The following DMD variants were observed in gnomAD, a reference collection of about 807,000 sequenced individuals.
The protein encoded by DMD is mutant dystrophin.
In DMD, 63 loss-of-function variants were observed where a neutral mutation model predicts 330.1. The observed-to-expected ratio is 0.19, with a 90% CI of 0.16 to 0.24. The LOEUF is 0.24. Ranked by LOEUF, DMD falls within the 10% of genes least tolerant of loss-of-function variation. DMD has a pLI of 1.00. For missense variants in DMD, 3,344 were observed against 2,684.1 expected (o/e 1.25, Z -5.43); for synonymous variants, 1,223 against 959.8 (o/e 1.27, Z -5.07).
At chrX:32,595,659 A>G (rs2055433825) in intron 13 of DMD, 98 bp downstream of exon 13, 1 of 832,439 alleles carries the variant, frequency 1.2e-6, no homozygotes, top group Admixed American at 2.6e-5. Context: ...TATTCTAAGT[A>G]TTTTAATATA....
At chrX:32,710,722 G>C (rs781326773) in intron 7 of DMD, among the ~76,000 whole-genome samples, 1 of 110,745 alleles carries the variant, frequency 9.0e-6, no homozygotes, top group Non-Finnish European at 1.9e-5. Context: ...GATAGGAAAA[G>C]CAGACTCCTT....
chrX:32,006,433 A>G lies in DMD; in HGVS notation c.6439-37919T>C, dbSNP rs762004762. Among the ~76,000 whole-genome samples, 36 of 112,095 alleles carry G rather than the reference A, an allele frequency of 3.2e-4. 1 individual carries two copies. The highest frequency in any genetic ancestry group is 4.3e-4 in the Non-Finnish European group (23 of 53,123). On this transcript the variant is annotated intron_variant, in intron 44 of 78. Transcript: ENST00000357033. ...AATAGTTATTCCAAGTCTAAAAATA[A>G]TAATAAATCCAAAACCAAAATATCG...
At chrX:31,368,643 T>C (rs1751314313) in intron 60 of DMD, among the ~76,000 whole-genome samples, 1 of 107,937 alleles carries the variant, frequency 9.3e-6, no homozygotes, top group South Asian at 4.0e-4. Flanking sequence ...TGCACCCAGG[T>C]CCCCCCGCCC....
intron 7 of DMD, among the ~76,000 whole-genome samples, chrX:32,710,990 A>G (rs2065138596): frequency 8.9e-6 from 1 of 111,872 alleles, no homozygotes; most frequent in African/African-American, 3.2e-5. Flanking sequence ...ATATATAACT[A>G]TAATATGCAT....
intron 60 of DMD, among the ~76,000 whole-genome samples, chrX:31,433,788 T>A (rs1183689748): frequency 1.8e-5 from 2 of 112,017 alleles, no homozygotes; most frequent in Non-Finnish European, 3.8e-5. Context: ...GGCAAAACTA[T>A]TTAAGTGTTG....
chrX:31,805,219 T>C (rs1172298569), intron 50 of DMD, among the ~76,000 whole-genome samples: 1 of 111,988 alleles, frequency 8.9e-6, no homozygotes, highest in Non-Finnish European at 1.9e-5. Flanking sequence ...CCTGTAACTA[T>C]ATAATTTAAC....
intron 2 of DMD, among the ~76,000 whole-genome samples, chrX:32,915,142 A>G: frequency 1.0e-5 from 1 of 97,791 alleles, no homozygotes; most frequent in Non-Finnish European, 2.3e-5. Context: ...TACTATCCCA[A>G]AGTTGGGGGG....
At chrX:31,276,948 AG>A (rs2052176911) in intron 62 of DMD, among the ~76,000 whole-genome samples, 1 of 112,066 alleles carries the variant, frequency 8.9e-6, no homozygotes, top group South Asian at 3.8e-4. Context: ...GGCCTTCTAA[AG>A]GTTGGTAATG....
chrX:31,861,394 C>T (rs1031256042), intron 48 of DMD, among the ~76,000 whole-genome samples: 2 of 110,094 alleles, frequency 1.8e-5, no homozygotes, highest in African/African-American at 6.6e-5. Flanking sequence ...AAGACAAATG[C>T]CAGTTTGACG....
At chrX:31,985,332 A>G (rs2095502174) in intron 44 of DMD, among the ~76,000 whole-genome samples, 1 of 112,406 alleles carries the variant, frequency 8.9e-6, no homozygotes, top group Non-Finnish European at 1.9e-5. Flanking sequence ...TTTTAACAAT[A>G]TTAAGAAACA....
chrX:33,252,498 T>C (rs1435876614), intron 1 of DMD, among the ~76,000 whole-genome samples: 2 of 110,833 alleles, frequency 1.8e-5, no homozygotes. Context: ...ATCTCATTAA[T>C]GGACATGACA....
Position 32,381,183 on chromosome X carries a change from G to A in DMD, c.4675-503C>T, listed in dbSNP as rs760127541. Among the ~76,000 whole-genome samples, 6 of 111,381 alleles carry A rather than the reference G, an allele frequency of 5.4e-5. No individual in the cohort carries two copies. The South Asian group carries it at 1.5e-3, about 28-fold the overall frequency. On this transcript the variant is annotated intron_variant, in intron 33 of 78. Coordinates refer to ENST00000357033, the MANE Select transcript of DMD (RefSeq NM_004006.3). ...ACCTAGAATTCTCAACTGTATCCTC[G>A]TTACATCTTTAAAGTGTCTCACATC...
chrX:31,295,286 C>T (rs1232875811), intron 62 of DMD, among the ~76,000 whole-genome samples: 1 of 111,126 alleles, frequency 9.0e-6, no homozygotes, highest in Non-Finnish European at 1.9e-5. Flanking sequence ...TGAGCCACCG[C>T]GCCCGGCCGT....
At chrX:31,308,731 A>AT (rs577265293) in intron 62 of DMD, among the ~76,000 whole-genome samples, 1,114 of 106,442 alleles carry the variant, frequency 0.01, 11 homozygotes, top group Middle Eastern at 0.043. Flanking sequence ...TTTGTGTGTG[A>AT]TTTTTTTTTT....
chrX:31,859,249 A>C (rs1219983497), intron 48 of DMD, among the ~76,000 whole-genome samples: 1 of 111,616 alleles, frequency 9.0e-6, no homozygotes, highest in Non-Finnish European at 1.9e-5. Flanking sequence ...GGAGGAGAGC[A>C]AGGAAATCTA....
At chrX:31,368,653 CT>C (rs776345514) in intron 60 of DMD, among the ~76,000 whole-genome samples, 12 of 106,060 alleles carry the variant, frequency 1.1e-4, no homozygotes, top group Admixed American at 3.0e-4. Context: ...TCCCCCCGCC[CT>C]TTTTTTTTTG....
chrX:33,045,627 G>A (rs1014518887), intron 1 of DMD, among the ~76,000 whole-genome samples: 2 of 109,649 alleles, frequency 1.8e-5, no homozygotes, highest in Non-Finnish European at 3.8e-5. Context: ...ATAAGTGAGA[G>A]CTAGAAGCCG....
At chrX:31,217,381 A>T (rs965268453) in intron 64 of DMD, among the ~76,000 whole-genome samples, 1 of 111,858 alleles carries the variant, frequency 8.9e-6, no homozygotes. Flanking sequence ...TATAGTGGAT[A>T]CAATTGGGTT....
In DMD at chrX:33,171,760, C is replaced by G. The variant is rs191588892; in HGVS notation, c.31+39522G>C. Among the ~76,000 whole-genome samples, 13 of 111,530 alleles carry G rather than the reference C, an allele frequency of 1.2e-4. 1 individual carries two copies. Among genetic ancestry groups the G allele is most frequent in the African/African-American group, 3.2e-4 (10 of 30,863 alleles). ...CTGACAGAGATTTGGATTTTACTGT[C>G]TTGAAACAGAAGAGAGAGCAAAATG... On this transcript the variant is annotated intron_variant, in intron 1 of 78. Transcript: ENST00000357033.
Sources: allele counts gnomAD v4.1 joint callset (sites outside exome capture counted in the v4.1 genomes callset), GRCh38; gene constraint gnomAD v4.1.1; transcripts MANE v1.5; gene names NCBI Gene and HGNC (gene_info 2026-07-23, HGNC 2026-07-21).